Variants in COBL observed in about 807,000 individuals in gnomAD.
The protein encoded by COBL is protein cordon-bleu.
Under a neutral mutation model 98.8 loss-of-function variants are expected in COBL, and 51 were observed. The ratio of observed to expected loss-of-function variants is 0.52; its 90% CI spans 0.41 to 0.65. The LOEUF (loss-of-function observed/expected upper bound fraction) is 0.65. COBL is among the 30% of genes least tolerant of loss of function. COBL has a pLI of 0.00. For synonymous variants in COBL, 634 were observed against 651.7 expected (o/e 0.97, Z 0.41); for missense variants, 1,617 against 1,617.5 (o/e 1.00, Z 0.01).
At chr7:51,175,529 G>C (rs1237556693) in intron 5 of COBL, among the ~76,000 whole-genome samples, 1 of 152,184 alleles carries the variant, frequency 6.6e-6, no homozygotes, top group Non-Finnish European at 1.5e-5. Flanking sequence ...GCTGAGAACA[G>C]GTTTGATACA....
At chr7:51,227,194 C>T (rs1468118556) in intron 1 of COBL, among the ~76,000 whole-genome samples, 1 of 152,146 alleles carries the variant, frequency 6.6e-6, no homozygotes, top group Non-Finnish European at 1.5e-5. Flanking sequence ...GTAGAGACGC[C>T]CCCTTTACTC....
At chr7:51,223,003 C>G (rs1793800547) in intron 1 of COBL, among the ~76,000 whole-genome samples, 1 of 152,236 alleles carries the variant, frequency 6.6e-6, no homozygotes, top group Admixed American at 6.5e-5. Context: ...TCCAAGCCCT[C>G]ATCTCTACAG....
At chr7:51,187,972 G>A in intron 4 of COBL, 1 of 1,232,374 alleles carries the variant, frequency 8.1e-7, no homozygotes, top group Non-Finnish European at 1.0e-6. Flanking sequence ...GAAAAGGCAG[G>A]CAATGAGAGA....
rs3047141 is a variant in COBL at position 51,098,023 on chromosome 7, C to CA, written c.958-12720dup. 2.6e-3 allele frequency among the ~76,000 whole-genome samples: 241 copies of CA among 94,178 alleles called. 1 individual carries two copies. Among genetic ancestry groups the CA allele is most frequent in the Middle Eastern group, 0.011 (2 of 190 alleles). 61.8% of individuals were successfully genotyped at this position (94,178 alleles called of 152,430 possible). On this transcript the variant is annotated intron_variant, in intron 6 of 12. Transcript: ENST00000265136. ...TGGACAACAGAGCGAGACTCCATCT[C>CA]AAAAAAAAAAAAAAAAAAAGCAATA...
intron 9 of COBL, among the ~76,000 whole-genome samples, chr7:51,030,072 A>G (rs1278122734): frequency 6.6e-6 from 1 of 152,190 alleles, no homozygotes. Context: ...AAATTATGCA[A>G]TGGTCATGGG....
At chr7:51,057,105 G>C (rs1199368995) in intron 7 of COBL, among the ~76,000 whole-genome samples, 1 of 152,072 alleles carries the variant, frequency 6.6e-6, no homozygotes, top group African/African-American at 2.4e-5. Context: ...AGTGGTCTTG[G>C]TTCTCAGACG....
chr7:51,113,310 G>A (rs1301411244), intron 6 of COBL, among the ~76,000 whole-genome samples: 1 of 152,166 alleles, frequency 6.6e-6, no homozygotes, highest in Non-Finnish European at 1.5e-5. Flanking sequence ...AGACTTACCA[G>A]GCTTACTGTT....
At chr7:51,018,189 C>T (rs1019753850) in intron 12 of COBL, among the ~76,000 whole-genome samples, 4 of 150,842 alleles carry the variant, frequency 2.7e-5, no homozygotes, top group African/African-American at 9.8e-5. Context: ...TTATGGTAAT[C>T]GTGGTGGTGG....
intron 5 of COBL, among the ~76,000 whole-genome samples, chr7:51,144,697 C>T (rs1189248455): frequency 6.6e-6 from 1 of 152,194 alleles, no homozygotes; most frequent in African/African-American, 2.4e-5. Context: ...CAGACACTCC[C>T]CAATCCCCTT....
intron 12 of COBL, among the ~76,000 whole-genome samples, chr7:51,018,919 T>TAC (rs1562796099): frequency 9.8e-5 from 2 of 20,406 alleles, no homozygotes; most frequent in African/African-American, 3.6e-4. Context: ...TATATATATA[T>TAC]ATATATATAT....
intron 6 of COBL, among the ~76,000 whole-genome samples, chr7:51,116,713 C>A (rs1797301032): frequency 6.6e-6 from 1 of 151,966 alleles, no homozygotes; most frequent in Non-Finnish European, 1.5e-5. Context: ...TTATCTTCAG[C>A]CTGAAGAATT....
At chr7:51,146,575 A>C (rs1785050030) in intron 5 of COBL, among the ~76,000 whole-genome samples, 2 of 147,926 alleles carry the variant, frequency 1.4e-5, no homozygotes, top group African/African-American at 5.0e-5. Context: ...TCTCCCATTA[A>C]GATATTATCT....
At chr7:51,190,390 T>A (rs1228505093) in intron 4 of COBL, among the ~76,000 whole-genome samples, 1 of 151,990 alleles carries the variant, frequency 6.6e-6, no homozygotes, top group Non-Finnish European at 1.5e-5. Context: ...AATTTTAAAA[T>A]TTTTTTGTAG....
At chr7:51,080,260 A>G (rs1793508128) in intron 7 of COBL, among the ~76,000 whole-genome samples, 1 of 152,210 alleles carries the variant, frequency 6.6e-6, no homozygotes, top group Non-Finnish European at 1.5e-5. Context: ...CTGCGCACAA[A>G]TCCATTATCC....
chr7:51,253,014 G>A (rs1403585053), intron 1 of COBL, among the ~76,000 whole-genome samples: 1 of 152,096 alleles, frequency 6.6e-6, no homozygotes, highest in Non-Finnish European at 1.5e-5. Context: ...CCTGAGGTCA[G>A]GAGTTCGAGA....
chr7:51,277,920 C>T (rs2129172560), intron 1 of COBL, among the ~76,000 whole-genome samples: 1 of 152,246 alleles, frequency 6.6e-6, no homozygotes, highest in East Asian at 1.9e-4. Flanking sequence ...GAGGAACTAG[C>T]AAGTAAGAGA....
chr7:51,257,476 G>A (rs565922313), intron 1 of COBL, among the ~76,000 whole-genome samples: 7 of 152,086 alleles, frequency 4.6e-5, no homozygotes, highest in Non-Finnish European at 1.0e-4. Context: ...GCACCACCAC[G>A]ATTTTATAAA....
At chr7:51,083,954 T>C (rs1793941540) in intron 7 of COBL, among the ~76,000 whole-genome samples, 1 of 152,156 alleles carries the variant, frequency 6.6e-6, no homozygotes, top group Non-Finnish European at 1.5e-5. Flanking sequence ...CAGGGGCTTT[T>C]GTCCATTTAT....
At chr7:51,122,539 T>A (rs1359710547) in intron 6 of COBL, among the ~76,000 whole-genome samples, 1 of 152,252 alleles carries the variant, frequency 6.6e-6, no homozygotes, top group Non-Finnish European at 1.5e-5. Context: ...TGTTGTTTTT[T>A]CGTCTCCACA....
Sources: allele counts gnomAD v4.1 joint callset (sites outside exome capture counted in the v4.1 genomes callset), GRCh38; gene constraint gnomAD v4.1.1; transcripts MANE v1.5; gene names NCBI Gene and HGNC (gene_info 2026-07-23, HGNC 2026-07-21).